FHIP2B: variants seen among roughly 807,000 people sequenced by gnomAD.
The protein encoded by FHIP2B is FHF complex subunit HOOK interacting protein 2B.
FHIP2B carries 72 observed loss-of-function variants against 84.0 expected under a neutral mutation model. The ratio of observed to expected loss-of-function variants is 0.86; its 90% CI spans 0.71 to 1.04. The LOEUF (loss-of-function observed/expected upper bound fraction) is 1.04. Ranked by LOEUF, FHIP2B falls within the 50% of genes least tolerant of loss-of-function variation. The pLI, the probability that FHIP2B is intolerant of heterozygous loss-of-function variation, is 0.00. For missense variants in FHIP2B, 972 were observed against 968.9 expected (o/e 1.00, Z -0.04); for synonymous variants, 497 against 418.7 (o/e 1.19, Z -2.28).
chr8:22,099,976 G>A, intron 10 of FHIP2B, 83 bp downstream of exon 10: 1 of 1,388,376 alleles, frequency 7.2e-7, no homozygotes, highest in Non-Finnish European at 9.6e-7. Flanking sequence ...TTTCATTAGT[G>A]TTCCCAGTTG....
rs1249956060 is a variant in FHIP2B, at chr8:22,101,759, A to C, written c.1759A>C (p.Thr587Pro). Residue 587 changes from threonine to proline, a missense_variant, in exon 14 of 17, where the codon ACA becomes CCA. Transcript: ENST00000289921. ...CTCCTGGGGCTGGCCTCTGACCCCC[A>C]CACCTTTGGACCCCCATGAGCCCGA... is the stretch of plus-strand genomic sequence containing the variant. ...VASWGWPLTP[T>P]PLDPHEPERP... The C allele has an allele frequency of 6.2e-7, 1 of 1,613,012 alleles. No individual in the cohort carries two copies. The highest frequency in any genetic ancestry group is 8.5e-7 in the Non-Finnish European group (1 of 1,179,704).
intron 16 of FHIP2B, 33 bp downstream of exon 16, chr8:22,102,661 G>A (rs551671782): frequency 6.4e-7 from 1 of 1,566,026 alleles, no homozygotes; most frequent in Non-Finnish European, 8.7e-7. Context: ...GAAGCCTTGG[G>A]GTGGGAGAGT....
In FHIP2B at chr8:22,098,912, T is replaced by C. The variant is rs774272012; in HGVS notation, c.966-36T>C. ...TTGAGGAAGACCTTGAAGCTCCTTC[T>C]CCACTCTCTGAGACTTCACTCCCCT... is the stretch of plus-strand genomic sequence containing the variant. On this transcript the variant is annotated intron_variant, in intron 7 of 16. Coordinates refer to ENST00000289921, the MANE Select transcript of FHIP2B (RefSeq NM_022749.7). 3 of 1,528,194 alleles carry C rather than the reference T, an allele frequency of 2.0e-6. No individual in the cohort carries two copies. The South Asian group carries it at 3.5e-5, about 18-fold the overall frequency. 94.7% of individuals were successfully genotyped at this position (1,528,194 alleles called of 1,614,324 possible).
At position 22,102,937 on chromosome 8, in the gene FHIP2B, C is replaced by T. The variant is rs1018787640; in HGVS notation, c.*6C>T. On this transcript the variant is annotated 3_prime_UTR_variant, in exon 17 of 17. Transcript: ENST00000289921. ...CCCCGGAAGGGCAGGTCTGAGCCAG[C>T]ACCAGGGCGGTGGGAGACTCCTGTC... The T allele has an allele frequency of 3.1e-6, 5 of 1,612,306 alleles. No homozygotes were observed. Among genetic ancestry groups the T allele is most frequent in the Middle Eastern group, 1.6e-4 (1 of 6,074 alleles).
At position 22,099,689 on chromosome 8, in the gene FHIP2B, G is replaced by T; in HGVS notation, c.1152-15G>T. On this transcript the variant is annotated splice_polypyrimidine_tract_variant and intron_variant, in intron 9 of 16. Coordinates refer to ENST00000289921, the MANE Select transcript of FHIP2B (RefSeq NM_022749.7). ...TGCACACACCGGGCCTGGCTAAGGTGCCCTCTTCCCGTAGGTCCGAGCAGA... is the reference window on the plus strand; with the variant it reads ...TGCACACACCGGGCCTGGCTAAGGTTCCCTCTTCCCGTAGGTCCGAGCAGA... The T allele has an allele frequency of 6.4e-7, 1 of 1,556,476 alleles. No individual in the cohort carries two copies. The highest frequency in any genetic ancestry group is 8.6e-7 in the Non-Finnish European group (1 of 1,157,292).
intron 9 of FHIP2B, 148 bp from the exon 10 acceptor site, chr8:22,099,556 A>C (rs1237234352): frequency 9.1e-7 from 1 of 1,093,204 alleles, no homozygotes; most frequent in Non-Finnish European, 1.3e-6. Flanking sequence ...AAGGCCTCCT[A>C]CCCTTCCCTG....
In FHIP2B at chr8:22,099,786, G is replaced by T. The variant is rs765392078; in HGVS notation, c.1234G>T (p.Ala412Ser). Residue 412 changes from alanine to serine, a missense_variant, in exon 10 of 17, where the codon GCC becomes TCC. Ala to Ser is a moderately conservative substitution (Grantham distance 99). Coordinates refer to ENST00000289921, the MANE Select transcript of FHIP2B (RefSeq NM_022749.7). The part of the protein sequence containing the change: ...QLRSPALLRE[A>S]VAFLLGTDRQ... ...TCGCTCCCCTGCGCTGCTGCGGGAG[G>T]CCGTGGCTTTCCTCCTGGGCACAGA... is the stretch of plus-strand genomic sequence containing the variant. The T allele has an allele frequency of 1.2e-6, 2 of 1,612,658 alleles. No individual in the cohort carries two copies. The highest frequency in any genetic ancestry group is 1.7e-6 in the Non-Finnish European group (2 of 1,179,726).
At chr8:22,099,156 G>T in intron 8 of FHIP2B, 100 bp downstream of exon 8, 1 of 1,493,694 alleles carries the variant, frequency 6.7e-7, no homozygotes, top group East Asian at 2.4e-5. Context: ...ATGGGGTCCA[G>T]GAGCTAAGCG....
rs894899701 is a variant in FHIP2B at position 22,100,289 on chromosome 8, G to C, written c.1342-305G>C. ...ACTTGGCTCGCTGGAAGGCTAACACGTACTACTTCGTGAGGTAGGCGAGGT... is the reference window on the plus strand; with the variant it reads ...ACTTGGCTCGCTGGAAGGCTAACACCTACTACTTCGTGAGGTAGGCGAGGT... On this transcript the variant is annotated intron_variant, in intron 10 of 16. Coordinates refer to ENST00000289921, the MANE Select transcript of FHIP2B (RefSeq NM_022749.7). 8 of 390,388 alleles carry C rather than the reference G, an allele frequency of 2.0e-5. No homozygotes were observed. In the Admixed American group the frequency reaches 3.6e-4, roughly 18 times the overall value. The allele number at this position is 390,388 out of a possible 1,614,324, so 24.2% of individuals were successfully genotyped here. A position where few individuals can be genotyped will look rare whatever the true frequency, so the allele number is the denominator to read the frequency against.
intron 3 of FHIP2B, chr8:22,097,008 C>T (rs1044698988): frequency 5.7e-6 from 1 of 176,018 alleles, no homozygotes; most frequent in Admixed American, 5.6e-5. Context: ...CGTGAGACCG[C>T]ACTCCTGCCT....
chr8:22,100,446 A>G, intron 10 of FHIP2B, 148 bp from the exon 11 acceptor site: 4 of 820,268 alleles, frequency 4.9e-6, no homozygotes, highest in Non-Finnish European at 6.8e-6. Context: ...ACACCCCCCA[A>G]CTACCCCCAA....
At chr8:22,099,193 C>G in intron 8 of FHIP2B, 91 bp from the exon 9 acceptor site, 2 of 1,539,730 alleles carry the variant, frequency 1.3e-6, no homozygotes, top group South Asian at 2.4e-5. Flanking sequence ...GGGACCCTCT[C>G]CTGTGGCATC....
chr8:22,094,659 A>C, intron 2 of FHIP2B, 141 bp downstream of exon 2: 4 of 1,502,508 alleles, frequency 2.7e-6, no homozygotes, highest in Non-Finnish European at 2.6e-6. Flanking sequence ...GGAGACAGAG[A>C]ACCAGACAGA....
chr8:22,094,856 G>A, intron 2 of FHIP2B: 1 of 1,161,398 alleles, frequency 8.6e-7, no homozygotes, highest in Non-Finnish European at 1.1e-6. Flanking sequence ...GGCCCCAGGT[G>A]CTTGTGCCTA....
chr8:22,092,586 T>A (rs1363560684), intron 1 of FHIP2B, among the ~76,000 whole-genome samples: 1 of 122,898 alleles, frequency 8.1e-6, no homozygotes, highest in Admixed American at 9.0e-5. Context: ...TTTTTGAGAC[T>A]CTGTCTCAGA....
In FHIP2B at chr8:22,099,284, G is replaced by A. The variant is rs1300036334; in HGVS notation, c.1075G>A (p.Val359Met). The change falls in exon 9 of 17, where the codon GTG becomes ATG. Residue 359 changes from valine (V) to methionine (M), a missense_variant and splice_region_variant. Physicochemically the swap from Val to Met is conservative, Grantham distance 21. Coordinates refer to ENST00000289921, the MANE Select transcript of FHIP2B (RefSeq NM_022749.7). ...CACATTGGCGCTCTCTGGCACCCAG[G>A]TGGTTGCGGACGCCTTGGCGAAGGC... ...CDHLITEAHTVVADALAKAVA... is the reference protein window; with the variant it reads ...CDHLITEAHTMVADALAKAVA... The A allele has an allele frequency of 1.9e-6, 3 of 1,613,580 alleles. No individual in the cohort carries two copies. Among genetic ancestry groups the A allele is most frequent in the Non-Finnish European group, 2.5e-6 (3 of 1,179,842 alleles).
At chr8:22,097,947 G>A in intron 5 of FHIP2B, 108 bp downstream of exon 5, 4 of 1,546,282 alleles carry the variant, frequency 2.6e-6, no homozygotes, top group Non-Finnish European at 3.5e-6. Flanking sequence ...CGGGAGGCAC[G>A]CAGGCAGCTT....
intron 9 of FHIP2B, 86 bp downstream of exon 9, chr8:22,099,446 C>A: frequency 7.2e-7 from 1 of 1,396,010 alleles, no homozygotes; most frequent in Non-Finnish European, 9.9e-7. Flanking sequence ...TAAGGCCAGA[C>A]ACCTTCTTGA....
At chr8:22,102,033 C>G in intron 14 of FHIP2B, 142 bp from the exon 15 acceptor site, 1 of 1,537,274 alleles carries the variant, frequency 6.5e-7, no homozygotes, top group Non-Finnish European at 8.7e-7. Context: ...GGCCCTCAGC[C>G]CCATGGAATC....
Sources: allele counts gnomAD v4.1 joint callset (sites outside exome capture counted in the v4.1 genomes callset), GRCh38; gene constraint gnomAD v4.1.1; transcripts MANE v1.5; gene names NCBI Gene and HGNC (gene_info 2026-07-23, HGNC 2026-07-21).